ANTXR2: variants seen among roughly 807,000 people sequenced by gnomAD.
ANTXR2 encodes the protein ANTXR cell adhesion molecule 2.
Under a neutral mutation model 73.7 loss-of-function variants are expected in ANTXR2, and 44 were observed. The ratio of observed to expected loss-of-function variants is 0.60; its 90% CI spans 0.47 to 0.77. The LOEUF is 0.77. Ranked by LOEUF, ANTXR2 falls within the 30% of genes least tolerant of loss-of-function variation. The pLI, the probability that ANTXR2 is intolerant of heterozygous loss-of-function variation, is 0.00. For missense variants in ANTXR2, 604 were observed against 592.5 expected (o/e 1.02, Z -0.20); for synonymous variants, 217 against 205.9 (o/e 1.05, Z -0.46).
chr4:80,065,805 G>A (rs1380285740), intron 3 of ANTXR2, among the ~76,000 whole-genome samples: 1 of 152,200 alleles, frequency 6.6e-6, no homozygotes, highest in Non-Finnish European at 1.5e-5. Context: ...CCAAGATTGT[G>A]AAGAATTATG....
intron 7 of ANTXR2, among the ~76,000 whole-genome samples, chr4:80,052,273 A>T (rs1005258863): frequency 1.3e-5 from 2 of 151,698 alleles, no homozygotes; most frequent in Admixed American, 6.6e-5. Context: ...GATCTAATAG[A>T]TATTTTTAAA....
intron 3 of ANTXR2, among the ~76,000 whole-genome samples, chr4:80,065,600 T>C (rs1734461106): frequency 6.6e-6 from 1 of 152,214 alleles, no homozygotes; most frequent in African/African-American, 2.4e-5. Flanking sequence ...AAGTTACGAG[T>C]ATATAAAATG....
At chr4:80,011,880 A>G (rs1303251365) in intron 11 of ANTXR2, among the ~76,000 whole-genome samples, 1 of 152,220 alleles carries the variant, frequency 6.6e-6, no homozygotes, top group African/African-American at 2.4e-5. Flanking sequence ...TAGTGTATTC[A>G]GGGACTGTGT....
chr4:80,035,595 C>G (rs1014574999), intron 8 of ANTXR2, among the ~76,000 whole-genome samples: 2 of 152,122 alleles, frequency 1.3e-5, no homozygotes, highest in African/African-American at 4.8e-5. Context: ...CTGGCAGATT[C>G]TGTACTTTGT....
chr4:79,913,117 T>A (rs1727211383), intron 16 of ANTXR2, among the ~76,000 whole-genome samples: 1 of 152,206 alleles, frequency 6.6e-6, no homozygotes, highest in South Asian at 2.1e-4. Flanking sequence ...ACTTACTAAC[T>A]ACTCACTTTC....
chr4:80,005,632 C>A (rs1042323743), intron 12 of ANTXR2, among the ~76,000 whole-genome samples: 2 of 152,184 alleles, frequency 1.3e-5, no homozygotes, highest in East Asian at 3.9e-4. Flanking sequence ...TCATTTTTCT[C>A]TAGCTCACTT....
Position 80,031,675 on chromosome 4 carries a change from C to G in ANTXR2, c.814G>C (p.Val272Leu). ...GGACAAAGCATAGAATTAAGCTGTA[C>G]ACTTACTGGTTTTACACCTAGAAAA... ...TYTTSVKPVS[V>L]QLNSMLCPAP... Residue 272 changes from valine to leucine, a missense_variant, in exon 10 of 17, where the codon GTA becomes CTA. Transcript: ENST00000403729. 1 of 1,514,292 alleles carries G rather than the reference C, an allele frequency of 6.6e-7. No homozygotes were observed. The allele number at this position is 1,514,292 out of a possible 1,614,324, so 93.8% of individuals were successfully genotyped here. A position where few individuals can be genotyped will look rare whatever the true frequency, so the allele number is the denominator to read the frequency against.
Position 79,905,295 on chromosome 4 carries a change from T to C in ANTXR2, c.*2134A>G, listed in dbSNP as rs1489142228. 1 of 152,168 alleles carries C rather than the reference T, an allele frequency of 6.6e-6. No individual in the cohort carries two copies. The highest frequency in any genetic ancestry group is 1.5e-5 in the Non-Finnish European group (1 of 68,022). The allele number at this position is 152,168 out of a possible 1,614,324, so 9.4% of individuals were successfully genotyped here. A position where few individuals can be genotyped will look rare whatever the true frequency, so the allele number is the denominator to read the frequency against. On this transcript the variant is annotated 3_prime_UTR_variant, in exon 17 of 17. Coordinates refer to ENST00000403729, the MANE Select transcript of ANTXR2 (RefSeq NM_058172.6). ...ATAATTGGTGTGCACTCATCAGAAA[T>C]GAAGTGCCCATTTAAGGAAGCCACA...
At chr4:79,926,630 C>T (rs1727790963) in intron 16 of ANTXR2, among the ~76,000 whole-genome samples, 1 of 151,970 alleles carries the variant, frequency 6.6e-6, no homozygotes. Context: ...TTTAAATAAA[C>T]TAAGAAGTCC....
intron 16 of ANTXR2, among the ~76,000 whole-genome samples, chr4:79,935,102 A>AG (rs1028748742): frequency 2.0e-5 from 3 of 152,060 alleles, no homozygotes; most frequent in African/African-American, 7.2e-5. Flanking sequence ...AAAAAAAAAA[A>AG]CAACTGAATA....
intron 12 of ANTXR2, among the ~76,000 whole-genome samples, chr4:79,990,455 AC>A (rs1425496009): frequency 1.3e-5 from 2 of 151,784 alleles, no homozygotes; most frequent in Admixed American, 6.6e-5. Context: ...AATGAGAATT[AC>A]CAAACTCTGC....
At position 80,072,751 on chromosome 4, in the gene ANTXR2, G is replaced by A; in HGVS notation, c.-191C>T. The A allele has an allele frequency of 7.8e-7, 1 of 1,288,404 alleles. No homozygotes were observed. The highest frequency in any genetic ancestry group is 9.8e-7 in the Non-Finnish European group (1 of 1,018,270). The allele number at this position is 1,288,404 out of a possible 1,614,324, so 79.8% of individuals were successfully genotyped here. A position where few individuals can be genotyped will look rare whatever the true frequency, so the allele number is the denominator to read the frequency against. On this transcript the variant is annotated 5_prime_UTR_variant, in exon 1 of 17. Coordinates refer to ENST00000403729, the MANE Select transcript of ANTXR2 (RefSeq NM_058172.6). ...GAGAGGGAGGTCCTGAGAGGACAAA[G>A]GGAGTCTCCGCCACCGCCGCAGCTG...
intron 10 of ANTXR2, 89 bp from the exon 11 acceptor site, chr4:80,019,065 C>T: frequency 1.2e-6 from 1 of 867,234 alleles, no homozygotes; most frequent in Non-Finnish European, 1.7e-6. Context: ...CAAAACCAGC[C>T]AGAAAACATA....
At chr4:80,001,102 A>G (rs186475817) in intron 12 of ANTXR2, among the ~76,000 whole-genome samples, 133 of 152,206 alleles carry the variant, frequency 8.7e-4, no homozygotes, top group Non-Finnish European at 7.5e-4. Flanking sequence ...TCAAAGTTAC[A>G]AAACAGAGGG....
chr4:80,009,552 A>T (rs1731469080), intron 11 of ANTXR2, among the ~76,000 whole-genome samples: 1 of 152,152 alleles, frequency 6.6e-6, no homozygotes, highest in Non-Finnish European at 1.5e-5. Flanking sequence ...TCTGGCATTT[A>T]AAAACTACTT....
At chr4:79,961,252 T>C (rs879866547) in intron 16 of ANTXR2, among the ~76,000 whole-genome samples, 5 of 152,020 alleles carry the variant, frequency 3.3e-5, no homozygotes, top group Non-Finnish European at 7.4e-5. Flanking sequence ...ATAAAAAGTA[T>C]ATAAAAACCA....
chr4:80,035,932 A>G, intron 8 of ANTXR2, 40 bp downstream of exon 8: 1 of 1,476,014 alleles, frequency 6.8e-7, no homozygotes, highest in Non-Finnish European at 9.1e-7. Flanking sequence ...GGAAAAAAAT[A>G]CAATTTCTTA....
chr4:79,960,599 G>A (rs1241574665), intron 16 of ANTXR2, among the ~76,000 whole-genome samples: 2 of 151,898 alleles, frequency 1.3e-5, no homozygotes, highest in East Asian at 1.9e-4. Context: ...GTAAACAAAT[G>A]TCCAGGGGTA....
intron 12 of ANTXR2, among the ~76,000 whole-genome samples, chr4:79,988,996 A>G (rs935411583): frequency 6.6e-6 from 1 of 152,162 alleles, no homozygotes; most frequent in African/African-American, 2.4e-5. Context: ...CGGCTAAAGC[A>G]GTTTTCAGAG....
Sources: allele counts gnomAD v4.1 joint callset (sites outside exome capture counted in the v4.1 genomes callset), GRCh38; gene constraint gnomAD v4.1.1; transcripts MANE v1.5; gene names NCBI Gene and HGNC (gene_info 2026-07-23, HGNC 2026-07-21).